NPHP3: variants seen among roughly 807,000 people sequenced by gnomAD.
NPHP3 encodes the protein nephrocystin-3.
NPHP3 carries 123 observed loss-of-function variants against 171.9 expected under a neutral mutation model. The ratio of observed to expected loss-of-function variants is 0.72; its 90% CI spans 0.62 to 0.83. NPHP3 has a LOEUF of 0.83. Among genes scored for constraint, NPHP3 ranks in the 40% least tolerant of loss-of-function variants. NPHP3 has a pLI of 0.00. For missense variants in NPHP3, 1,506 were observed against 1,591.9 expected (o/e 0.95, Z 0.92); for synonymous variants, 558 against 579.2 (o/e 0.96, Z 0.52).
intron 1 of NPHP3, among the ~76,000 whole-genome samples, chr3:132,720,922 ATT>A (rs71942158): frequency 0.17 from 25,671 of 147,936 alleles, 2,712 homozygotes; most frequent in East Asian, 0.56. Flanking sequence ...GCTTTATACT[ATT>A]TTTTTTTTTT....
At chr3:132,707,683 T>C (rs1373257009) in intron 7 of NPHP3, among the ~76,000 whole-genome samples, 1 of 151,994 alleles carries the variant, frequency 6.6e-6, no homozygotes, top group Non-Finnish European at 1.5e-5. Flanking sequence ...CTCAGAATCC[T>C]ACCACTTCTC....
At chr3:132,705,192 A>G (rs1939713852) in intron 8 of NPHP3, among the ~76,000 whole-genome samples, 1 of 152,084 alleles carries the variant, frequency 6.6e-6, no homozygotes, top group Non-Finnish European at 1.5e-5. Context: ...TATAATTTAA[A>G]ATTTTTTTAT....
At chr3:132,689,339 A>G (rs575563890) in intron 19 of NPHP3, 76 bp from the exon 20 acceptor site, 290 of 1,463,738 alleles carry the variant, frequency 2.0e-4, no homozygotes, top group South Asian at 9.6e-4. Flanking sequence ...TCCAGAATTA[A>G]TATCAAGTTA....
chr3:132,688,774 A>T lies in NPHP3; in HGVS notation c.3001T>A (p.Phe1001Ile). 6.2e-7 allele frequency: 1 copy of T among 1,614,082 alleles called. No homozygotes were observed. The highest frequency in any genetic ancestry group is 2.2e-5 in the East Asian group (1 of 44,872). Residue 1001 changes from phenylalanine to isoleucine, a missense_variant, in exon 21 of 27, where the codon TTT (phenylalanine) becomes ATT (isoleucine). Physicochemically the swap from Phe to Ile is conservative, Grantham distance 21. Coordinates refer to ENST00000337331, the MANE Select transcript of NPHP3 (RefSeq NM_153240.5). Reference protein sequence around the residue: ...LASVYVQWKKFGNAEQLYKQA... With the variant: ...LASVYVQWKKIGNAEQLYKQA... ...TTATACAGTTGTTCTGCATTGCCAAACTTCTTCCACTGCACGTATACACTT... is the reference window on the plus strand; with the variant it reads ...TTATACAGTTGTTCTGCATTGCCAATCTTCTTCCACTGCACGTATACACTT...
intron 4 of NPHP3, among the ~76,000 whole-genome samples, chr3:132,715,525 C>T (rs1940026308): frequency 6.6e-6 from 1 of 152,120 alleles, no homozygotes; most frequent in South Asian, 2.1e-4. Context: ...AGCCTACATT[C>T]CCAAGAGGAT....
intron 6 of NPHP3, among the ~76,000 whole-genome samples, chr3:132,712,752 C>T (rs1013461406): frequency 6.7e-6 from 1 of 150,328 alleles, no homozygotes; most frequent in Non-Finnish European, 1.5e-5. Flanking sequence ...GACGACAGAG[C>T]AAGACTCTGT....
Position 132,719,715 on chromosome 3 carries a change from C to T in NPHP3, c.509G>A (p.Arg170Lys). 6.4e-7 allele frequency: 1 copy of T among 1,556,318 alleles called. No individual in the cohort carries two copies. Reference protein sequence around the residue: ...TFEHDRDKVKRQFKIFRETKE... With the variant: ...TFEHDRDKVKKQFKIFRETKE... Reference sequence around the variant, plus strand: ...ATGTAAGGAATTTACCTTGAATTGCCTTTTAACTTTATCTCTGTCATGTTC... The same window carrying T: ...ATGTAAGGAATTTACCTTGAATTGCTTTTTAACTTTATCTCTGTCATGTTC... The change falls in exon 2 of 27, where the codon AGG becomes AAG. Residue 170 changes from arginine to lysine, a missense_variant. By Grantham distance (26) the Arg-to-Lys change is conservative. This residue lies in a region of NPHP3 where 930 missense variants were observed against 924.9 expected (regional missense o/e 1.01). Coordinates refer to ENST00000337331, the MANE Select transcript of NPHP3 (RefSeq NM_153240.5).
In NPHP3 at chr3:132,688,762, C is replaced by G. The variant is rs563431432; in HGVS notation, c.3013G>C (p.Glu1005Gln). ...YVQWKKFGNA[E>Q]QLYKQALEIS... ...TCCAACGCCTGTTTATACAGTTGTTCTGCATTGCCAAACTTCTTCCACTGC... is the reference window on the plus strand; with the variant it reads ...TCCAACGCCTGTTTATACAGTTGTTGTGCATTGCCAAACTTCTTCCACTGC... The change falls in exon 21 of 27, where the codon GAA becomes CAA. Residue 1005 changes from glutamate to glutamine, a missense_variant. By Grantham distance (29) the Glu-to-Gln change is conservative. This residue lies in a region of NPHP3 where 569 missense variants were observed against 648.1 expected (regional missense o/e 0.88). Transcript: ENST00000337331. 6.2e-7 allele frequency: 1 copy of G among 1,614,078 alleles called. No individual in the cohort carries two copies. The highest frequency in any genetic ancestry group is 1.7e-5 in the Admixed American group (1 of 60,010).
intron 23 of NPHP3, chr3:132,685,751 T>C (rs2107964412): frequency 6.4e-6 from 1 of 156,808 alleles, no homozygotes; most frequent in South Asian, 1.9e-4. Context: ...GAATAACTTT[T>C]CAGTTAAGAA....
At chr3:132,700,097 A>T (rs774447985) in intron 11 of NPHP3, 36 bp from the exon 12 acceptor site, 2 of 1,610,072 alleles carry the variant, frequency 1.2e-6, no homozygotes, top group Non-Finnish European at 1.7e-6. Context: ...TGAAGTAGTT[A>T]CACGTAGTTA....
At chr3:132,687,859 A>C (rs897749333) in intron 21 of NPHP3, among the ~76,000 whole-genome samples, 2 of 152,182 alleles carry the variant, frequency 1.3e-5, no homozygotes, top group African/African-American at 4.8e-5. Flanking sequence ...CGGGCTAGAG[A>C]GTTAATATTT....
Position 132,699,921 on chromosome 3 carries a change from A to T in NPHP3, c.1884T>A (p.Val628=). The T allele has an allele frequency of 6.2e-7, 1 of 1,614,186 alleles. No individual in the cohort carries two copies. ...IIIVIDSIDQ[V]QQVEKHMKWL... The stretch of plus-strand genomic sequence containing the variant: ...GGTAACAAATGGAAAACGGTACCTG[A>T]ACTTGATCTATAGAATCAATAACGA... The change falls in exon 12 of 27, where the codon GTT becomes GTA. Residue 628 remains valine, a synonymous_variant. Coordinates refer to ENST00000337331, the MANE Select transcript of NPHP3 (RefSeq NM_153240.5).
chr3:132,683,443 C>T lies in NPHP3; in HGVS notation c.3652G>A (p.Val1218Ile). The T allele has an allele frequency of 6.2e-7, 1 of 1,613,208 alleles. No individual in the cohort carries two copies. The highest frequency in any genetic ancestry group is 2.2e-5 in the East Asian group (1 of 44,806). Reference sequence around the variant, plus strand: ...GCTAAGTTCACCAAGGCAGTAGCTACACTAGGGTGCTTTGGGCCAAAAGAT... The same window carrying T: ...GCTAAGTTCACCAAGGCAGTAGCTATACTAGGGTGCTTTGGGCCAAAAGAT... ...QKSFGPKHPS[V>I]ATALVNLAVL... The change falls in exon 25 of 27, where the codon GTA becomes ATA. Residue 1218 changes from valine to isoleucine, a missense_variant. This residue lies in a region of NPHP3 where 569 missense variants were observed against 648.1 expected (regional missense o/e 0.88). Transcript: ENST00000337331.
At chr3:132,695,019 A>C in intron 15 of NPHP3, 54 bp from the exon 16 acceptor site, 2 of 1,583,304 alleles carry the variant, frequency 1.3e-6, no homozygotes, top group Non-Finnish European at 8.7e-7. Context: ...CATCTGTGAA[A>C]ATTTTGAGAT....
At chr3:132,686,098 G>T in intron 23 of NPHP3, 162 bp downstream of exon 23, 1 of 652,406 alleles carries the variant, frequency 1.5e-6, no homozygotes, top group African/African-American at 1.8e-5. Context: ...AAAATGCCAT[G>T]GTCTTTAGGT....
chr3:132,714,085 T>C (rs1434021348), intron 5 of NPHP3, among the ~76,000 whole-genome samples: 1 of 152,258 alleles, frequency 6.6e-6, no homozygotes, highest in Non-Finnish European at 1.5e-5. Flanking sequence ...TGTGGCTTAT[T>C]TGGTTTCTAT....
chr3:132,718,846 G>A (rs1940125971), intron 3 of NPHP3, 148 bp downstream of exon 3: 2 of 770,732 alleles, frequency 2.6e-6, no homozygotes, highest in Non-Finnish European at 4.3e-6. Flanking sequence ...GCAGCTGACA[G>A]AGAGAACACA....
chr3:132,689,110 C>T lies in NPHP3; in HGVS notation c.2847G>A (p.Leu949=). 6.2e-7 allele frequency: 1 copy of T among 1,614,092 alleles called. No individual in the cohort carries two copies. The highest frequency in any genetic ancestry group is 8.5e-7 in the Non-Finnish European group (1 of 1,179,986). ...MSCLADLYET[L]GRFLKDLGLL... The stretch of plus-strand genomic sequence containing the variant: ...GGCCTAGATCCTTGAGAAATCGCCC[C>T]AAGGTTTCATAAAGATCAGCTAAGC... Residue 949 remains leucine (L), a synonymous_variant, in exon 20 of 27, where the codon TTG becomes TTA. Transcript: ENST00000337331.
At chr3:132,713,056 G>T in intron 6 of NPHP3, 70 bp downstream of exon 6, 1 of 762,688 alleles carries the variant, frequency 1.3e-6, no homozygotes, top group South Asian at 2.2e-5. Context: ...TATCTTTGAA[G>T]CTTATTTGGC....
Sources: gnomAD v4.1 joint callset for allele counts (sites outside exome capture counted in the v4.1 genomes callset) on GRCh38, gnomAD v4.1.1 for gene constraint, gnomAD v4.1.1 regional missense constraint, MANE v1.5 for transcripts, NCBI Gene and HGNC (gene_info 2026-07-23, HGNC 2026-07-21) for gene names.